MAGI1: variants seen among roughly 807,000 people sequenced by gnomAD.
The protein encoded by MAGI1 is membrane associated guanylate kinase, WW and PDZ domain containing 1, also known as membrane-associated guanylate kinase, WW and PDZ domain-containing protein 1.
A neutral mutation model predicts 139.9 loss-of-function variants in MAGI1; 58 were observed. The ratio of observed to expected loss-of-function variants is 0.41; its 90% CI spans 0.34 to 0.52. The LOEUF (loss-of-function observed/expected upper bound fraction) is 0.52. MAGI1 is among the 20% of genes least tolerant of loss of function. The probability of loss-of-function intolerance (pLI) is 0.12; values close to 1 mark genes in which losing one functional copy is unlikely to be tolerated. For synonymous variants in MAGI1, 812 were observed against 737.9 expected, an observed-to-expected ratio of 1.10 and a Z score of -1.63; for missense variants, 1,874 against 1,901.6, an observed-to-expected ratio of 0.99 and a Z score of 0.27.
At chr3:65,598,957 A>C (rs1481227722) in intron 2 of MAGI1, among the ~76,000 whole-genome samples, 1 of 152,224 alleles carries the variant, frequency 6.6e-6, no homozygotes, top group East Asian at 1.9e-4. Context: ...TTGTAGCAAG[A>C]GAGTGAATGC....
intron 10 of MAGI1, among the ~76,000 whole-genome samples, chr3:65,436,326 C>G (rs1009000803): frequency 1.2e-3 from 180 of 152,214 alleles, no homozygotes; most frequent in African/African-American, 4.3e-3. Context: ...CATCCCCCAA[C>G]TCTGTCAAAC....
intron 1 of MAGI1, among the ~76,000 whole-genome samples, chr3:65,646,599 A>T (rs900692691): frequency 2.6e-5 from 4 of 152,096 alleles, no homozygotes; most frequent in Non-Finnish European, 4.4e-5. Flanking sequence ...CAAAATGCAC[A>T]TTTTTTTCAA....
intron 1 of MAGI1, among the ~76,000 whole-genome samples, chr3:65,676,660 G>A (rs567910238): frequency 1.3e-5 from 2 of 152,122 alleles, no homozygotes; most frequent in South Asian, 2.1e-4. Context: ...TGGCTAATCC[G>A]GTCAATTGTT....
chr3:65,622,945 A>C (rs1370572212), intron 1 of MAGI1, among the ~76,000 whole-genome samples: 1 of 152,194 alleles, frequency 6.6e-6, no homozygotes. Flanking sequence ...ATTAAAGCAC[A>C]ATTCATCCAT....
At chr3:65,717,362 G>A (rs2107672989) in intron 1 of MAGI1, 1 of 152,284 alleles carries the variant, frequency 6.6e-6, no homozygotes, top group East Asian at 1.9e-4. Context: ...GCACCCAGTA[G>A]GTAGAGGCAA....
chr3:65,984,544 G>C (rs982670964), intron 1 of MAGI1, among the ~76,000 whole-genome samples: 3 of 150,510 alleles, frequency 2.0e-5, no homozygotes, highest in African/African-American at 7.4e-5. Context: ...GTGTGTGTGT[G>C]TGTGTGACAG....
intron 1 of MAGI1, among the ~76,000 whole-genome samples, chr3:65,849,278 G>T (rs2059121870): frequency 6.6e-6 from 1 of 151,194 alleles, no homozygotes; most frequent in Admixed American, 6.6e-5. Context: ...ACCCGCCTCA[G>T]TCTCCCAAAG....
Position 66,008,107 on chromosome 3 carries a change from C to T in MAGI1, c.313+29889G>A, listed in dbSNP as rs6782159. On this transcript the variant is annotated intron_variant, in intron 1 of 22. Coordinates refer to ENST00000402939, the MANE Select transcript of MAGI1 (RefSeq NM_001033057.2). ...AGATGGGGTTCCACCATGTTGGCCACGCTAGTCTTGAAATCCTGACTCCAG... is the reference window on the plus strand; with the variant it reads ...AGATGGGGTTCCACCATGTTGGCCATGCTAGTCTTGAAATCCTGACTCCAG... Among the ~76,000 whole-genome samples the T allele has an allele frequency of 1.2e-3, 176 of 151,914 alleles. 4 individuals are homozygous for T. The South Asian group carries it at 0.036, about 31-fold the overall frequency.
intron 1 of MAGI1, among the ~76,000 whole-genome samples, chr3:65,928,632 A>T (rs2062642150): frequency 1.3e-5 from 2 of 152,206 alleles, no homozygotes; most frequent in African/African-American, 4.8e-5. Flanking sequence ...GAAAGACTAA[A>T]ATTCTATAGT....
At chr3:65,757,938 A>G (rs745670216) in intron 1 of MAGI1, among the ~76,000 whole-genome samples, 3 of 152,226 alleles carry the variant, frequency 2.0e-5, no homozygotes, top group Non-Finnish European at 4.4e-5. Flanking sequence ...TCTTCTCTAG[A>G]GAGATACTTT....
intron 1 of MAGI1, among the ~76,000 whole-genome samples, chr3:65,883,014 A>G (rs560705324): frequency 7.2e-5 from 11 of 152,232 alleles, no homozygotes; most frequent in Admixed American, 1.3e-4. Flanking sequence ...CTCACAAACA[A>G]GCAGTCAGGT....
At chr3:65,914,368 T>C (rs2061800826) in intron 1 of MAGI1, among the ~76,000 whole-genome samples, 1 of 152,192 alleles carries the variant, frequency 6.6e-6, no homozygotes. Flanking sequence ...AATGAACACA[T>C]TCAAACTGGG....
intron 1 of MAGI1, among the ~76,000 whole-genome samples, chr3:65,927,124 C>T (rs534321195): frequency 1.4e-4 from 22 of 152,302 alleles, no homozygotes; most frequent in African/African-American, 2.2e-4. Context: ...GATGGGCAAC[C>T]GGCAGCCCTC....
chr3:65,565,544 A>G (rs1005873926), intron 2 of MAGI1, among the ~76,000 whole-genome samples: 1 of 152,166 alleles, frequency 6.6e-6, no homozygotes, highest in Non-Finnish European at 1.5e-5. Flanking sequence ...CAGTTTGGAC[A>G]ACACTACTCT....
At chr3:65,748,674 A>T (rs536342506) in intron 1 of MAGI1, among the ~76,000 whole-genome samples, 24 of 152,322 alleles carry the variant, frequency 1.6e-4, no homozygotes, top group African/African-American at 5.3e-4. Flanking sequence ...GAAGAGATTT[A>T]AAAAACAGGC....
chr3:65,549,097 C>T (rs960239309), intron 2 of MAGI1, among the ~76,000 whole-genome samples: 31 of 152,118 alleles, frequency 2.0e-4, no homozygotes, highest in Non-Finnish European at 3.8e-4. Context: ...TCGGGCCCTG[C>T]GCTCCGGGGC....
chr3:65,553,695 A>G (rs548536030), intron 2 of MAGI1, among the ~76,000 whole-genome samples: 1 of 152,288 alleles, frequency 6.6e-6, no homozygotes, highest in South Asian at 2.1e-4. Context: ...AGGATATGCT[A>G]TATATTTTTT....
intron 1 of MAGI1, among the ~76,000 whole-genome samples, chr3:65,639,011 A>G (rs1299416086): frequency 6.6e-6 from 1 of 152,016 alleles, no homozygotes; most frequent in African/African-American, 2.4e-5. Context: ...GGCCTCCCCA[A>G]GTGCTGGGTT....
At chr3:65,653,388 T>C (rs545042666) in intron 1 of MAGI1, among the ~76,000 whole-genome samples, 2 of 152,182 alleles carry the variant, frequency 1.3e-5, no homozygotes, top group Non-Finnish European at 2.9e-5. Flanking sequence ...TCTGATTGCC[T>C]TTCTCCAGTT....
Sources: allele counts gnomAD v4.1 joint callset (sites outside exome capture counted in the v4.1 genomes callset), GRCh38; gene constraint gnomAD v4.1.1; transcripts MANE v1.5; gene names NCBI Gene and HGNC (gene_info 2026-07-23, HGNC 2026-07-21).